The following NUP37 variants were observed in gnomAD, a reference collection of about 807,000 sequenced individuals.
The protein encoded by NUP37 is nucleoporin 37.
Under a neutral mutation model 45.4 loss-of-function variants are expected in NUP37, and 33 were observed. That is an observed-to-expected ratio of 0.73 (90% CI 0.55 to 0.97). The LOEUF (loss-of-function observed/expected upper bound fraction) is 0.97, where lower values mean the gene tolerates loss of function less well. NUP37 is among the 50% of genes least tolerant of loss of function. NUP37 has a pLI of 0.00. For missense variants in NUP37, 365 were observed against 389.7 expected, an observed-to-expected ratio of 0.94 and a Z score of 0.53; for synonymous variants, 127 against 130.7, an observed-to-expected ratio of 0.97 and a Z score of 0.19.
At chr12:102,078,000 A>G (rs545463913) in intron 6 of NUP37, among the ~76,000 whole-genome samples, 95 of 152,292 alleles carry the variant, frequency 6.2e-4, no homozygotes, top group South Asian at 1.0e-3. Flanking sequence ...TCTAGAGAAT[A>G]TAAAAAACCT....
chr12:102,113,711 G>A (rs1880380122), intron 2 of NUP37, among the ~76,000 whole-genome samples: 1 of 152,064 alleles, frequency 6.6e-6, no homozygotes, highest in Non-Finnish European at 1.5e-5. Context: ...AAAGTATCAG[G>A]GAAAAAATCC....
intron 2 of NUP37, among the ~76,000 whole-genome samples, chr12:102,114,696 T>TAACTGAAGTTA (rs1470770825): frequency 2.6e-5 from 4 of 152,268 alleles, no homozygotes; most frequent in Admixed American, 2.6e-4. Context: ...TAGTCAAGAC[T>TAACTGAAGTTA]GTGAAGTTTC....
At chr12:102,078,092 C>T (rs1274116158) in intron 6 of NUP37, among the ~76,000 whole-genome samples, 3 of 151,720 alleles carry the variant, frequency 2.0e-5, no homozygotes, top group Admixed American at 1.3e-4. Flanking sequence ...CTTTGGGAGG[C>T]TGAGGCGGGC....
intron 8 of NUP37, among the ~76,000 whole-genome samples, chr12:102,075,914 G>A (rs545001758): frequency 6.6e-6 from 1 of 151,684 alleles, no homozygotes; most frequent in South Asian, 2.1e-4. Context: ...GGCAAATGGA[G>A]TACTTCTCTT....
In NUP37 at chr12:102,082,439, G is replaced by A. The variant is rs57723615; in HGVS notation, c.540+3327C>T. ...GAAAACGTATGGCAGAGCACTGAAA[G>A]CCATTAGGCTTGTTATTGCTGCAAT... On this transcript the variant is annotated intron_variant, in intron 6 of 9. Transcript: ENST00000552283. Among the ~76,000 whole-genome samples the A allele has an allele frequency of 2.6e-4, 40 of 152,308 alleles. No individual in the cohort carries two copies. In the East Asian group the frequency reaches 7.2e-3, roughly 27 times the overall value.
In NUP37 at chr12:102,101,068, T is replaced by A. The variant is rs761636412; in HGVS notation, c.318A>T (p.Leu106Phe). 1 of 1,564,964 alleles carries A rather than the reference T, an allele frequency of 6.4e-7. No individual in the cohort carries two copies. Residue 106 changes from leucine to phenylalanine, a missense_variant, in exon 4 of 10, where the codon TTA becomes TTT. By Grantham distance (22) the Leu-to-Phe change is conservative. Coordinates refer to ENST00000552283, the MANE Select transcript of NUP37 (RefSeq NM_024057.4). ...CTSAADMKIR[L>F]FTSDLQDKNE... ...TTTTATCCTGAAGATCTGAAGTAAA[T>A]AATCTAATTTTCATATCAGCAGCTG...
intron 9 of NUP37, 158 bp from the exon 10 acceptor site, chr12:102,074,625 T>C (rs1403334326): frequency 1.8e-6 from 1 of 567,386 alleles, no homozygotes; most frequent in Non-Finnish European, 3.1e-6. Flanking sequence ...ACATTATTGA[T>C]ACGCAGCTGA....
intron 4 of NUP37, 43 bp downstream of exon 4, chr12:102,100,989 G>A (rs761726223): frequency 2.6e-5 from 32 of 1,233,246 alleles, no homozygotes; most frequent in African/African-American, 1.6e-4. Flanking sequence ...AAACAAACAC[G>A]TTTTAAAATA....
chr12:102,077,641 C>T, intron 6 of NUP37, 138 bp from the exon 7 acceptor site: 2 of 881,720 alleles, frequency 2.3e-6, no homozygotes, highest in Admixed American at 3.0e-5. Flanking sequence ...ATCTGAAAAT[C>T]TGCAATGCTC....
intron 6 of NUP37, among the ~76,000 whole-genome samples, chr12:102,084,737 T>C (rs1446604288): frequency 6.6e-6 from 1 of 151,134 alleles, no homozygotes; most frequent in African/African-American, 2.4e-5. Context: ...ATGAAGACAT[T>C]AGAGGACTGT....
intron 3 of NUP37, among the ~76,000 whole-genome samples, chr12:102,101,537 T>C (rs1393674728): frequency 1.3e-5 from 2 of 152,176 alleles, no homozygotes; most frequent in East Asian, 3.8e-4. Flanking sequence ...TTATCCATAA[T>C]CCTTAGTTTT....
In NUP37 at chr12:102,101,032, C is replaced by A; in HGVS notation, c.354G>T (p.Lys118Asn). ...AAGATTTATATGGTTGTCAACATAC[C>A]TTATATTCATTTTTATCCTGAAGAT... ...TSDLQDKNEY[K>N]VLEGHTDFIN... Residue 118 changes from lysine (K) to asparagine (N), a missense_variant and splice_region_variant, in exon 4 of 10, where the codon AAG becomes AAT. By Grantham distance (94) the Lys-to-Asn change is moderately conservative. Transcript: ENST00000552283. 1 of 1,484,848 alleles carries A rather than the reference C, an allele frequency of 6.7e-7. No individual in the cohort carries two copies. The highest frequency in any genetic ancestry group is 9.2e-7 in the Non-Finnish European group (1 of 1,084,680). 92.0% of individuals were successfully genotyped at this position (1,484,848 alleles called of 1,614,324 possible). A position where few individuals can be genotyped will look rare whatever the true frequency, so the allele number is the denominator to read the frequency against.
At chr12:102,103,417 T>C (rs184281419) in intron 3 of NUP37, among the ~76,000 whole-genome samples, 65 of 152,332 alleles carry the variant, frequency 4.3e-4, no homozygotes, top group Admixed American at 1.0e-3. Flanking sequence ...GAAAGGTTAC[T>C]GATTTTTGAA....
At chr12:102,090,766 A>C (rs1448605623) in intron 5 of NUP37, among the ~76,000 whole-genome samples, 3 of 152,220 alleles carry the variant, frequency 2.0e-5, no homozygotes. Context: ...AGTGGTCCCA[A>C]GCCAATCAAT....
chr12:102,095,702 TA>T (rs1879783962), intron 5 of NUP37, among the ~76,000 whole-genome samples: 1 of 152,152 alleles, frequency 6.6e-6, no homozygotes, highest in South Asian at 2.1e-4. Flanking sequence ...AATATTATCT[TA>T]CTTTTTCAAC....
chr12:102,081,293 T>C (rs770790508), intron 6 of NUP37, among the ~76,000 whole-genome samples: 2 of 152,220 alleles, frequency 1.3e-5, no homozygotes, highest in Non-Finnish European at 2.9e-5. Context: ...ACTGTCTGTA[T>C]AACTGTGCTC....
intron 2 of NUP37, among the ~76,000 whole-genome samples, chr12:102,116,974 C>G (rs746967746): frequency 6.6e-6 from 1 of 152,110 alleles, no homozygotes; most frequent in Non-Finnish European, 1.5e-5. Flanking sequence ...TGCACTCCAG[C>G]CTGGATGACA....
At chr12:102,112,516 G>A (rs923366912) in intron 2 of NUP37, among the ~76,000 whole-genome samples, 1 of 152,152 alleles carries the variant, frequency 6.6e-6, no homozygotes, top group African/African-American at 2.4e-5. Context: ...GGACTGCTTG[G>A]TCAGGCGTGT....
At chr12:102,113,310 A>G (rs2136755623) in intron 2 of NUP37, among the ~76,000 whole-genome samples, 1 of 152,328 alleles carries the variant, frequency 6.6e-6, no homozygotes, top group East Asian at 1.9e-4. Context: ...GAAAGCAGGA[A>G]AAAACAGACA....
Sources: allele counts gnomAD v4.1 joint callset (sites outside exome capture counted in the v4.1 genomes callset), GRCh38; gene constraint gnomAD v4.1.1; transcripts MANE v1.5; gene names NCBI Gene and HGNC (gene_info 2026-07-23, HGNC 2026-07-21).